HMCN1: variants seen among roughly 807,000 people sequenced by gnomAD.
The protein encoded by HMCN1 is hemicentin-1.
A neutral mutation model predicts 625.9 loss-of-function variants in HMCN1; 321 were observed. That is an observed-to-expected ratio of 0.51 (90% CI 0.47 to 0.56). The LOEUF (loss-of-function observed/expected upper bound fraction) is 0.56. Among genes scored for constraint, HMCN1 ranks in the 20% least tolerant of loss-of-function variants. The pLI is 0.00. For synonymous variants in HMCN1, 2,425 were observed against 2,417.6 expected (o/e 1.00, Z -0.09); for missense variants, 6,588 against 6,887.3 (o/e 0.96, Z 1.54).
intron 4 of HMCN1, among the ~76,000 whole-genome samples, chr1:185,902,702 T>C (rs2102436834): frequency 6.6e-6 from 1 of 151,746 alleles, no homozygotes; most frequent in East Asian, 1.9e-4. Context: ...CTAGGGGTTG[T>C]TTTTGTTACT....
At chr1:186,025,093 C>G (rs1373485935) in intron 36 of HMCN1, among the ~76,000 whole-genome samples, 1 of 152,176 alleles carries the variant, frequency 6.6e-6, no homozygotes, top group Non-Finnish European at 1.5e-5. Flanking sequence ...GATCATCAGG[C>G]ATTATATTAT....
At chr1:185,784,162 A>T (rs1005458079) in intron 1 of HMCN1, among the ~76,000 whole-genome samples, 9 of 152,220 alleles carry the variant, frequency 5.9e-5, no homozygotes, top group Admixed American at 2.6e-4. Context: ...CAGGCACAGG[A>T]TGTAATCTCC....
intron 63 of HMCN1, 67 bp from the exon 64 acceptor site, chr1:186,090,691 T>C (rs1659793000): frequency 6.4e-7 from 1 of 1,556,544 alleles, no homozygotes; most frequent in Admixed American, 1.7e-5. Context: ...TATTGTTTTA[T>C]GACTCTGTTA....
chr1:186,129,494 A>T (rs1661815966), intron 83 of HMCN1, among the ~76,000 whole-genome samples: 1 of 152,056 alleles, frequency 6.6e-6, no homozygotes, highest in Non-Finnish European at 1.5e-5. Context: ...TTACCTAAGT[A>T]GCATACGTTT....
chr1:186,017,178 G>T, intron 33 of HMCN1, 107 bp downstream of exon 33: 2 of 739,084 alleles, frequency 2.7e-6, no homozygotes, highest in South Asian at 2.8e-5. Flanking sequence ...GTATGAAATT[G>T]TATTCTTTAT....
In HMCN1 at chr1:186,189,791, C is replaced by T. The variant is rs1653603914; in HGVS notation, c.16821C>T (p.Val5607=). The T allele has an allele frequency of 6.2e-7, 1 of 1,613,762 alleles. No homozygotes were observed. Among genetic ancestry groups the T allele is most frequent in the Non-Finnish European group, 8.5e-7 (1 of 1,179,868 alleles). The change falls in exon 107 of 107, where the codon GTC becomes GTT. Residue 5607 remains valine, a synonymous_variant. Coordinates refer to ENST00000271588, the MANE Select transcript of HMCN1 (RefSeq NM_031935.3). ...AAGCAGAGACCTACCGCATGAGGGT[C>T]CGAGCCTCATCCTACAGTGCCAATG... ...LREAETYRMR[V]RASSYSANGT... is the part of the protein sequence containing the mutation.
intron 84 of HMCN1, 90 bp from the exon 85 acceptor site, chr1:186,130,417 T>C: frequency 7.4e-7 from 1 of 1,343,540 alleles, no homozygotes; most frequent in South Asian, 1.2e-5. Flanking sequence ...CTCCCCTCTT[T>C]ACTAAATTAT....
intron 20 of HMCN1, among the ~76,000 whole-genome samples, chr1:185,989,005 C>CTTTTTTT (rs569764243): frequency 8.5e-6 from 1 of 117,574 alleles, no homozygotes; most frequent in African/African-American, 3.5e-5. Context: ...ACTTTTAGTA[C>CTTTTTTT]TTTTTTTTTT....
At position 185,734,960 on chromosome 1, in the gene HMCN1, GAAGGGGCTTCCA is replaced by G; in HGVS notation, c.184_195del (p.Gly62_Lys65del). 6.2e-7 allele frequency: 1 copy of G among 1,614,120 alleles called. No homozygotes were observed. ...GTATGATGATTTAGTTCAGGTGATT[GAAGGGGCTTCCA>G]AAATTTTGGAGACGTCTTTGAAAAG... On this transcript the variant is annotated inframe_deletion, in exon 1 of 107. Coordinates refer to ENST00000271588, the MANE Select transcript of HMCN1 (RefSeq NM_031935.3).
rs754506222 is a variant in HMCN1, at chr1:186,128,152, T to A, written c.12765T>A (p.Thr4255=). ...AGEDTHTVSL[T]VHVLPTFTEL... The stretch of plus-strand genomic sequence containing the variant: ...AAGATACACACACTGTCAGCCTGAC[T>A]GTGCATGTTCTCCCCACTTTTACTG... The change falls in exon 83 of 107, where the codon ACT becomes ACA. Residue 4255 remains threonine (T), a synonymous_variant. Coordinates refer to ENST00000271588, the MANE Select transcript of HMCN1 (RefSeq NM_031935.3). The A allele has an allele frequency of 4.3e-6, 7 of 1,613,674 alleles. No homozygotes were observed. In the East Asian group the frequency reaches 1.3e-4, roughly 31 times the overall value.
intron 56 of HMCN1, among the ~76,000 whole-genome samples, chr1:186,081,825 G>A (rs995806310): frequency 6.6e-6 from 1 of 152,162 alleles, no homozygotes; most frequent in Non-Finnish European, 1.5e-5. Flanking sequence ...CTGGATTGTT[G>A]TTTACCAATG....
chr1:186,000,826 G>A (rs1653145343), intron 26 of HMCN1, among the ~76,000 whole-genome samples: 1 of 151,898 alleles, frequency 6.6e-6, no homozygotes, highest in Non-Finnish European at 1.5e-5. Flanking sequence ...TGATGAGCGT[G>A]TAGGTTATTA....
chr1:185,879,731 G>A (rs1664177135), intron 4 of HMCN1, among the ~76,000 whole-genome samples: 1 of 152,144 alleles, frequency 6.6e-6, no homozygotes, highest in African/African-American at 2.4e-5. Flanking sequence ...AAGACGTCTG[G>A]AGCAAACCCA....
intron 36 of HMCN1, among the ~76,000 whole-genome samples, chr1:186,029,141 T>G (rs2102189404): frequency 6.6e-6 from 1 of 152,044 alleles, no homozygotes; most frequent in Non-Finnish European, 1.5e-5. Context: ...TTAATAGAAG[T>G]CTTTCAGAAA....
chr1:185,886,229 G>A (rs149657053), intron 4 of HMCN1, among the ~76,000 whole-genome samples: 1 of 151,578 alleles, frequency 6.6e-6, no homozygotes, highest in African/African-American at 2.4e-5. Context: ...AAAAAAAAGA[G>A]ATGAGGGGAG....
intron 97 of HMCN1, among the ~76,000 whole-genome samples, chr1:186,157,388 C>T (rs1026688679): frequency 1.3e-5 from 2 of 152,132 alleles, no homozygotes; most frequent in Admixed American, 6.6e-5. Flanking sequence ...CTCATAATAA[C>T]ATTACACATT....
In HMCN1 at chr1:185,962,925, T is replaced by C. The variant is rs544156746; in HGVS notation, c.1970+266T>C. Among the ~76,000 whole-genome samples, 5 of 152,252 alleles carry C rather than the reference T, an allele frequency of 3.3e-5. No individual in the cohort carries two copies. In the East Asian group the frequency reaches 7.7e-4, roughly 23 times the overall value. ...TGCAAATGTAGCACCAATCAGTTAG[T>C]TTAACTTGAGTAATTGAAACGAGGG... On this transcript the variant is annotated intron_variant, in intron 12 of 106. Transcript: ENST00000271588.
Position 185,923,479 on chromosome 1 carries a change from T to C in HMCN1, c.1111T>C (p.Ser371Pro), listed in dbSNP as rs1324205323. ...TGAACTTTTGAGTATCTCAGGAAGT[T>C]CTCTTAAGACTATTCCTGTTAAATA... Reference protein sequence around the residue: ...LLELLSISGSSLKTIPVKYYP... With the variant: ...LLELLSISGSPLKTIPVKYYP... Residue 371 changes from serine (S) to proline (P), a missense_variant, in exon 8 of 107, where the codon TCT becomes CCT. Ser to Pro is a moderately conservative substitution (Grantham distance 74). Coordinates refer to ENST00000271588, the MANE Select transcript of HMCN1 (RefSeq NM_031935.3). 6.2e-7 allele frequency: 1 copy of C among 1,611,000 alleles called. No individual in the cohort carries two copies. Among genetic ancestry groups the C allele is most frequent in the Non-Finnish European group, 8.5e-7 (1 of 1,177,620 alleles).
chr1:186,034,999 C>T (rs1003349644), intron 36 of HMCN1, among the ~76,000 whole-genome samples: 18 of 152,208 alleles, frequency 1.2e-4, no homozygotes, highest in East Asian at 7.7e-4. Flanking sequence ...ATTGCAGCAG[C>T]GACATAGTCT....
Sources: allele counts gnomAD v4.1 joint callset (sites outside exome capture counted in the v4.1 genomes callset), GRCh38; gene constraint gnomAD v4.1.1; transcripts MANE v1.5; gene names NCBI Gene and HGNC (gene_info 2026-07-23, HGNC 2026-07-21).